The following PCDHGA4 variants were observed in gnomAD, a reference collection of about 807,000 sequenced individuals.
PCDHGA4 encodes protocadherin gamma subfamily A, 4.
PCDHGA4 carries 38 observed loss-of-function variants against 54.6 expected under a neutral mutation model. That is an observed-to-expected ratio of 0.70 (90% CI 0.54 to 0.91). The LOEUF (loss-of-function observed/expected upper bound fraction) is 0.91. Among genes scored for constraint, PCDHGA4 ranks in the 40% least tolerant of loss-of-function variants. The pLI is 0.00. For missense variants in PCDHGA4, 1,298 were observed against 1,220.9 expected, an observed-to-expected ratio of 1.06 and a Z score of -0.94; for synonymous variants, 511 against 512.9, an observed-to-expected ratio of 1.00 and a Z score of 0.05.
chr5:141,397,919 C>G (rs1158998805), intron 1 of PCDHGA4: 2 of 723,460 alleles, frequency 2.8e-6, no homozygotes, highest in East Asian at 5.5e-5. Flanking sequence ...TCCAGATCTC[C>G]TCGCGCAGCC....
At chr5:141,405,104 C>A in intron 1 of PCDHGA4, 3 of 1,613,940 alleles carry the variant, frequency 1.9e-6, no homozygotes, top group Non-Finnish European at 2.5e-6. Flanking sequence ...CAGGCTGAGG[C>A]ACTGGCACTC....
chr5:141,427,896 C>G, intron 1 of PCDHGA4: 1 of 1,570,508 alleles, frequency 6.4e-7, no homozygotes, highest in East Asian at 2.2e-5. Context: ...CCAGGGCTCG[C>G]CCGCGCTCAG....
chr5:141,418,914 T>C (rs1200050684), intron 1 of PCDHGA4: 4 of 1,613,964 alleles, frequency 2.5e-6, no homozygotes, highest in East Asian at 2.2e-5. Context: ...ATCACGTCAC[T>C]CTCTGATCAG....
At chr5:141,375,062 C>G in intron 1 of PCDHGA4, 1 of 1,613,996 alleles carries the variant, frequency 6.2e-7, no homozygotes, top group Non-Finnish European at 8.5e-7. Flanking sequence ...TGGGCCAGGT[C>G]TTCGAGACAG....
In PCDHGA4 at chr5:141,476,445, T is replaced by G. The variant is rs2099391853; in HGVS notation, c.2515-18362T>G. 1 of 1,613,956 alleles carries G rather than the reference T, an allele frequency of 6.2e-7. No individual in the cohort carries two copies. The highest frequency in any genetic ancestry group is 1.7e-5 in the Admixed American group (1 of 60,008). The stretch of plus-strand genomic sequence containing the variant: ...CCCTCTTGCACTGTAACTCTGGAGT[T>G]GGTAGTGGAGAACCCGCTGGAGCTG... On this transcript the variant is annotated intron_variant, in intron 1 of 3. Coordinates refer to ENST00000571252, the MANE Select transcript of PCDHGA4 (RefSeq NM_018917.4). This position sits in a 1 kb window ranked among gnomAD's most constrained non-coding sequence, Gnocchi z 7.6.
At chr5:141,399,115 GA>G in intron 1 of PCDHGA4, 3 of 1,613,814 alleles carry the variant, frequency 1.9e-6, no homozygotes, top group Non-Finnish European at 2.5e-6. Context: ...ATGTACAGTT[GA>G]AATTAATATT....
At chr5:141,410,995 T>A in intron 1 of PCDHGA4, 1 of 174,388 alleles carries the variant, frequency 5.7e-6, no homozygotes, top group South Asian at 1.4e-4. Flanking sequence ...CTGGGATTAC[T>A]GGTGCCCCTC....
At chr5:141,500,315 G>C (rs944076867) in intron 2 of PCDHGA4, among the ~76,000 whole-genome samples, 41 of 151,522 alleles carry the variant, frequency 2.7e-4, no homozygotes, top group African/African-American at 9.5e-4. Flanking sequence ...TTCACGCCAT[G>C]CTCCTGCCTC....
chr5:141,415,747 T>TTTTG, intron 1 of PCDHGA4: 2 of 797,626 alleles, frequency 2.5e-6, no homozygotes, highest in Non-Finnish European at 3.1e-6. Flanking sequence ...AAGGTTTTTT[T>TTTTG]TTTTTTTTTT....
At chr5:141,427,088 T>C in intron 1 of PCDHGA4, 1 of 458,156 alleles carries the variant, frequency 2.2e-6, no homozygotes. Flanking sequence ...CTGACCAGGA[T>C]GAGGGTGTCA....
chr5:141,362,774 C>A, intron 1 of PCDHGA4: 2 of 610,798 alleles, frequency 3.3e-6, no homozygotes, highest in Non-Finnish European at 5.5e-6. Flanking sequence ...AGATATTGCA[C>A]TGTATTTCTT....
intron 2 of PCDHGA4, among the ~76,000 whole-genome samples, chr5:141,495,607 A>G (rs1484333463): frequency 1.3e-5 from 2 of 151,832 alleles, no homozygotes; most frequent in Admixed American, 1.3e-4. Flanking sequence ...TTCCGTCTTG[A>G]TTGCTGCACC....
chr5:141,355,314 G>C lies in PCDHGA4; in HGVS notation c.207G>C (p.Glu69Asp). Reference sequence around the variant, plus strand: ...AGATTCTCTACTCGGTGTTTGAGGAGCAGGAAGAAGGCTCAGTGGTGGGCA... The same window carrying C: ...AGATTCTCTACTCGGTGTTTGAGGACCAGGAAGAAGGCTCAGTGGTGGGCA... ...AEQILYSVFEEQEEGSVVGNI... is the reference protein window; with the variant it reads ...AEQILYSVFEDQEEGSVVGNI... Residue 69 changes from glutamate (E) to aspartate (D), a missense_variant, in exon 1 of 4, where the codon GAG becomes GAC. Transcript: ENST00000571252. 1 of 1,613,954 alleles carries C rather than the reference G, an allele frequency of 6.2e-7. No individual in the cohort carries two copies. The highest frequency in any genetic ancestry group is 8.5e-7 in the Non-Finnish European group (1 of 1,179,900).
At chr5:141,415,818 A>C in intron 1 of PCDHGA4, 11 of 1,325,038 alleles carry the variant, frequency 8.3e-6, no homozygotes, top group Non-Finnish European at 8.7e-6. Flanking sequence ...CCTATATATC[A>C]TAAGGCTTTG....
At chr5:141,424,092 C>G (rs1160250641) in intron 1 of PCDHGA4, 2 of 879,256 alleles carry the variant, frequency 2.3e-6, no homozygotes, top group Non-Finnish European at 2.8e-6. Context: ...CCATTATTTG[C>G]TATTACTGCT....
rs2149786731 is a variant in PCDHGA4 at position 141,355,601 on chromosome 5, G to A, written c.494G>A (p.Gly165Glu). 2 of 1,613,936 alleles carry A rather than the reference G, an allele frequency of 1.2e-6. No homozygotes were observed. The highest frequency in any genetic ancestry group is 8.5e-7 in the Non-Finnish European group (1 of 1,179,874). ...GTTAATGATAACCCACCCAGTTTTG[G>A]GACAGAACAGAGGGAAATAAAAGTT... ...IDVNDNPPSF[G>E]TEQREIKVAE... The change falls in exon 1 of 4, where the codon GGG becomes GAG. Residue 165 changes from glycine to glutamate, a missense_variant. Gly to Glu is a moderately conservative substitution (Grantham distance 98). Coordinates refer to ENST00000571252, the MANE Select transcript of PCDHGA4 (RefSeq NM_018917.4).
At chr5:141,395,215 A>G in intron 1 of PCDHGA4, 1 of 1,612,350 alleles carries the variant, frequency 6.2e-7, no homozygotes, top group Middle Eastern at 1.7e-4. Context: ...CATGAATATA[A>G]GAATGAAGCT....
chr5:141,360,534 C>G (rs1163305635), intron 1 of PCDHGA4: 1 of 1,613,938 alleles, frequency 6.2e-7, no homozygotes, highest in Admixed American at 1.7e-5. Flanking sequence ...CCCCGCTATT[C>G]AAACAGACTA....
chr5:141,384,652 G>T (rs372721131), intron 1 of PCDHGA4: 1 of 1,614,228 alleles, frequency 6.2e-7, no homozygotes, highest in South Asian at 1.1e-5. Context: ...CGCAGAGCCC[G>T]GCTACCTGGT....
Sources: gnomAD v4.1 joint callset for allele counts (sites outside exome capture counted in the v4.1 genomes callset) on GRCh38, gnomAD v4.1.1 for gene constraint, Gnocchi (gnomAD v3.1) non-coding constraint, MANE v1.5 for transcripts, NCBI Gene and HGNC (gene_info 2026-07-23, HGNC 2026-07-21) for gene names.